The following BIN2 variants were observed in gnomAD, a reference collection of about 807,000 sequenced individuals.
BIN2 encodes breast cancer associated protein BRAP1.
Under a neutral mutation model 67.9 loss-of-function variants are expected in BIN2, and 43 were observed. The observed-to-expected ratio is 0.63, with a 90% CI of 0.50 to 0.82. The LOEUF (loss-of-function observed/expected upper bound fraction) is 0.82. Ranked by LOEUF, BIN2 falls within the 40% of genes least tolerant of loss-of-function variation. The probability of loss-of-function intolerance (pLI) is 0.00; values close to 1 mark genes in which losing one functional copy is unlikely to be tolerated. For synonymous variants in BIN2, 244 were observed against 246.8 expected (o/e 0.99, Z 0.11); for missense variants, 581 against 671.6 (o/e 0.87, Z 1.49).
At chr12:51,281,636 C>A in intron 12 of BIN2, 108 bp from the exon 13 acceptor site, 1 of 1,150,714 alleles carries the variant, frequency 8.7e-7, no homozygotes. Context: ...CATGTAATGC[C>A]ACTGGCCTCT....
upstream of BIN2, chr12:51,324,526 C>T: frequency 6.5e-7 from 1 of 1,530,936 alleles, no homozygotes; most frequent in Non-Finnish European, 8.7e-7. Flanking sequence ...ATCGAAAACA[C>T]GTTTAGGTTC....
chr12:51,302,624 C>T, intron 4 of BIN2, 62 bp downstream of exon 4: 1 of 1,371,486 alleles, frequency 7.3e-7, no homozygotes. Flanking sequence ...AGAAGCTAAG[C>T]TGAGGTTGAG....
At chr12:51,315,777 C>T (rs1946111129) in intron 1 of BIN2, among the ~76,000 whole-genome samples, 1 of 152,196 alleles carries the variant, frequency 6.6e-6, no homozygotes, top group African/African-American at 2.4e-5. Flanking sequence ...CACCTCTCAA[C>T]TAGAAAACCT....
At chr12:51,310,777 T>C (rs1035936591) in intron 2 of BIN2, among the ~76,000 whole-genome samples, 5 of 152,204 alleles carry the variant, frequency 3.3e-5, no homozygotes, top group Non-Finnish European at 7.3e-5. Context: ...TTCCTTTTTT[T>C]TGAGATAGGG....
intron 12 of BIN2, among the ~76,000 whole-genome samples, chr12:51,282,820 T>G (rs986725618): frequency 1.3e-5 from 2 of 151,522 alleles, no homozygotes; most frequent in Admixed American, 1.3e-4. Flanking sequence ...GTCAGGCTGG[T>G]CTTGAACTCC....
At position 51,302,145 on chromosome 12, in the gene BIN2, G is replaced by T. The variant is rs149402187; in HGVS notation, c.313-30C>A. On this transcript the variant is annotated intron_variant, in intron 4 of 12. Transcript: ENST00000615107. ...AGGATAGAGTCAGAGGCTGGTGAAG[G>T]CTCCACTTCCCAACAACAACTGCCT... 1.0e-3 allele frequency: 1,544 copies of T among 1,526,988 alleles called. 15 individuals carry two copies. The African/African-American group carries it at 0.018, about 18-fold the overall frequency. 94.6% of individuals were successfully genotyped at this position (1,526,988 alleles called of 1,614,324 possible).
intron 8 of BIN2, among the ~76,000 whole-genome samples, chr12:51,296,292 C>G (rs1015561348): frequency 6.6e-6 from 1 of 151,972 alleles, no homozygotes. Context: ...GTCAGGAGAT[C>G]GAGACCATCC....
Position 51,302,761 on chromosome 12 carries a change from T to C in BIN2, c.237A>G (p.Lys79=). ...TCTCCTGCAGGGTTTCTGACACTCT[T>C]TTTGAACTTTCATGCATCACTGAAA... ...SAVKVMHESS[K]RVSETLQEIY... Residue 79 remains lysine, a synonymous_variant, in exon 4 of 13, where the codon AAA becomes AAG. Coordinates refer to ENST00000615107, the MANE Select transcript of BIN2 (RefSeq NM_016293.4). 6.2e-7 allele frequency: 1 copy of C among 1,613,994 alleles called. No individual in the cohort carries two copies. Among genetic ancestry groups the C allele is most frequent in the Non-Finnish European group, 8.5e-7 (1 of 1,179,870 alleles).
At position 51,292,377 on chromosome 12, in the gene BIN2, C is replaced by G. The variant is rs557172820; in HGVS notation, c.762-33G>C. The G allele has an allele frequency of 2.6e-5, 40 of 1,516,826 alleles. No homozygotes were observed. In the South Asian group the frequency reaches 4.9e-4, roughly 18 times the overall value. 94.0% of individuals were successfully genotyped at this position (1,516,826 alleles called of 1,614,324 possible). ...AGGAAGGTGTTCAGATTCAGAACGG[C>G]TAAAAACCAGAAGCAATGTAAATAT... On this transcript the variant is annotated intron_variant, in intron 9 of 12. Transcript: ENST00000615107.
chr12:51,287,850 A>G (rs1945278153), intron 11 of BIN2, among the ~76,000 whole-genome samples: 1 of 146,914 alleles, frequency 6.8e-6, no homozygotes, highest in South Asian at 2.1e-4. Flanking sequence ...ACGGGGTTTC[A>G]CCGTGTTAGC....
chr12:51,299,107 G>T, intron 7 of BIN2, 96 bp downstream of exon 7: 1 of 875,198 alleles, frequency 1.1e-6, no homozygotes, highest in Non-Finnish European at 1.8e-6. Flanking sequence ...GGCAGTGTGG[G>T]AATTTAAATC....
intron 1 of BIN2, among the ~76,000 whole-genome samples, chr12:51,319,577 C>T (rs2137447983): frequency 6.6e-6 from 1 of 152,260 alleles, no homozygotes; most frequent in Non-Finnish European, 1.5e-5. Context: ...GAATTCTGTC[C>T]CAATTTATCT....
intron 9 of BIN2, 108 bp from the exon 10 acceptor site, chr12:51,292,452 T>C: frequency 7.9e-7 from 1 of 1,272,476 alleles, no homozygotes; most frequent in Non-Finnish European, 1.1e-6. Flanking sequence ...CAATTTAAAA[T>C]GTTAGAAAGT....
chr12:51,307,710 CAA>C (rs199928908), intron 2 of BIN2, among the ~76,000 whole-genome samples: 2 of 117,812 alleles, frequency 1.7e-5, no homozygotes, highest in Non-Finnish European at 1.8e-5. Context: ...AACTCCGTCT[CAA>C]AAAAAAAAAA....
chr12:51,294,116 A>G (rs1945467243), intron 9 of BIN2, among the ~76,000 whole-genome samples: 1 of 152,240 alleles, frequency 6.6e-6, no homozygotes, highest in Non-Finnish European at 1.5e-5. Flanking sequence ...GGATAAATAA[A>G]TCATGAAGTA....
In BIN2 at chr12:51,288,184, G is replaced by A. The variant is rs1945290028; in HGVS notation, c.1520C>T (p.Ala507Val). ...CTTCTTTGCCTCTCCAGGCTCTGAA[G>A]CAACCTGTGAATCAAAGTGAACAAT... ...TSPTLMTSQV[A>V]SEPGEAKKME... The change falls in exon 11 of 13, where the codon GCT (alanine) becomes GTT (valine). Residue 507 changes from alanine to valine, a missense_variant. Coordinates refer to ENST00000615107, the MANE Select transcript of BIN2 (RefSeq NM_016293.4). 2 of 1,613,736 alleles carry A rather than the reference G, an allele frequency of 1.2e-6. No individual in the cohort carries two copies. The highest frequency in any genetic ancestry group is 2.2e-5 in the South Asian group (2 of 91,070).
At chr12:51,288,611 C>T (rs1396956110) in intron 10 of BIN2, among the ~76,000 whole-genome samples, 1 of 152,102 alleles carries the variant, frequency 6.6e-6, no homozygotes, top group Non-Finnish European at 1.5e-5. Flanking sequence ...TGTCATACCC[C>T]ACCTCCTAGA....
rs1168899685 is a variant in BIN2 at position 51,305,826 on chromosome 12, CTTTTTTTTTTTTTTT to C, written c.163-2700_163-2686del. On this transcript the variant is annotated intron_variant, in intron 2 of 12. Coordinates refer to ENST00000615107, the MANE Select transcript of BIN2 (RefSeq NM_016293.4). Reference sequence around the variant, plus strand: ...GCCTCCAGAGCTCACTGTTTTCTTTCTTTTTTTTTTTTTTTTTTTTTTTTTGAGATGGAGTCTCGC... The same window carrying C: ...GCCTCCAGAGCTCACTGTTTTCTTTCTTTTTTTTTTGAGATGGAGTCTCGC... Among the ~76,000 whole-genome samples, 5 of 82,412 alleles carry C rather than the reference CTTTTTTTTTTTTTTT, an allele frequency of 6.1e-5. No individual in the cohort carries two copies. In the East Asian group the frequency reaches 2.2e-3, roughly 37 times the overall value. 54.1% of individuals were successfully genotyped at this position (82,412 alleles called of 152,430 possible). A position where few individuals can be genotyped will look rare whatever the true frequency, so the allele number is the denominator to read the frequency against.
At chr12:51,324,249 C>A, upstream of BIN2, 3 of 1,434,838 alleles carry the variant, frequency 2.1e-6, no homozygotes, top group South Asian at 4.4e-5. Flanking sequence ...GCCCTGAGGC[C>A]CGCCCCTCAG....
Sources: gnomAD v4.1 joint callset for allele counts (sites outside exome capture counted in the v4.1 genomes callset) on GRCh38, gnomAD v4.1.1 for gene constraint, MANE v1.5 for transcripts, NCBI Gene and HGNC (gene_info 2026-07-23, HGNC 2026-07-21) for gene names.